The following SPTBN4 variants were observed in gnomAD, a reference collection of about 807,000 sequenced individuals.
SPTBN4 encodes spectrin beta chain, non-erythrocytic 4.
In SPTBN4, 96 loss-of-function variants were observed where a neutral mutation model predicts 277.8. That is an observed-to-expected ratio of 0.35 (90% CI 0.29 to 0.41). SPTBN4 has a LOEUF of 0.41. Ranked by LOEUF, SPTBN4 falls within the 10% of genes least tolerant of loss-of-function variation. SPTBN4 has a pLI of 1.00. For missense variants in SPTBN4, 3,006 were observed against 3,595.7 expected, an observed-to-expected ratio of 0.84 and a Z score of 4.19; for synonymous variants, 1,481 against 1,580.3, an observed-to-expected ratio of 0.94 and a Z score of 1.49.
intron 25 of SPTBN4, 54 bp from the exon 26 acceptor site, chr19:40,556,969 A>G (rs2080985689): frequency 2.6e-6 from 4 of 1,509,938 alleles, no homozygotes; most frequent in Non-Finnish European, 3.6e-6. Flanking sequence ...GGGCTGGTGT[A>G]TGCTGCCCCT....
intron 2 of SPTBN4, among the ~76,000 whole-genome samples, chr19:40,482,586 T>A (rs976038374): frequency 3.9e-5 from 6 of 152,228 alleles, no homozygotes; most frequent in Non-Finnish European, 7.3e-5. Context: ...AAAATCTAAA[T>A]TTTTTAAAGA....
In SPTBN4 at chr19:40,564,464, C is replaced by T. The variant is rs574660540; in HGVS notation, c.5916-959C>T. On this transcript the variant is annotated intron_variant, in intron 27 of 35. Transcript: ENST00000598249. ...CAAGTGCTCACATGTCTAGTGGCTA[C>T]TGCCTTGGAGAGCACAGACTTGGAA... 1.4e-4 allele frequency among the ~76,000 whole-genome samples: 22 copies of T among 152,336 alleles called. No individual in the cohort carries two copies. In the South Asian group the frequency reaches 4.3e-3, roughly 30 times the overall value.
At position 40,487,827 on chromosome 19, in the gene SPTBN4, AGTGCTGTCTGGG is replaced by A; in HGVS notation, c.302_313del (p.Val101_Gly104del). ...GCTTCGTGCTCACGCGGCTCCTGGA[AGTGCTGTCTGGG>A]GAGCAGCTGGTGAGGGGGCCTGAAG... On this transcript the variant is annotated inframe_deletion, in exon 3 of 36. Transcript: ENST00000598249. 6.2e-7 allele frequency: 1 copy of A among 1,608,308 alleles called. No individual in the cohort carries two copies.
At position 40,571,061 on chromosome 19, in the gene SPTBN4, C is replaced by T. The variant is rs367762735; in HGVS notation, c.7319+333C>T. ...TGCATCTAATGGATGATGGGTAGAG[C>T]TTAGGTGGGAACAGAAGGAAAATGT... On this transcript the variant is annotated intron_variant, in intron 33 of 35. Transcript: ENST00000598249. 433 of 289,598 alleles carry T rather than the reference C, an allele frequency of 1.5e-3. 3 individuals carry two copies. The highest frequency in any genetic ancestry group is 9.0e-3 in the African/African-American group (401 of 44,718). The allele number at this position is 289,598 out of a possible 1,614,324, so 17.9% of individuals were successfully genotyped here.
chr19:40,543,803 G>A (rs2145915234), intron 20 of SPTBN4, among the ~76,000 whole-genome samples: 1 of 152,268 alleles, frequency 6.6e-6, no homozygotes, highest in East Asian at 1.9e-4. Context: ...GTTATTTGGT[G>A]TGCATCCATC....
At chr19:40,476,362 A>AAGAG in intron 2 of SPTBN4, among the ~76,000 whole-genome samples, 1 of 144,990 alleles carries the variant, frequency 6.9e-6, no homozygotes, top group East Asian at 2.0e-4. Context: ...AAAAAAAAAA[A>AAGAG]AGAGAGAGAG....
chr19:40,488,038 G>A (rs990402171), intron 3 of SPTBN4, among the ~76,000 whole-genome samples, 190 bp downstream of exon 3: 1 of 152,126 alleles, frequency 6.6e-6, no homozygotes, highest in Admixed American at 6.6e-5. Context: ...GGCGGAGCTT[G>A]GTCGTGAGAA....
chr19:40,539,068 G>A (rs1469925455), intron 20 of SPTBN4, among the ~76,000 whole-genome samples: 1 of 151,974 alleles, frequency 6.6e-6, no homozygotes, highest in African/African-American at 2.4e-5. Flanking sequence ...AAGATCCCGG[G>A]CTGAAGCATC....
intron 22 of SPTBN4, among the ~76,000 whole-genome samples, chr19:40,553,644 G>T (rs1053271880): frequency 4.6e-5 from 7 of 152,228 alleles, no homozygotes; most frequent in South Asian, 4.1e-4. Flanking sequence ...TACTCTGCAA[G>T]TACAGAGCTG....
At chr19:40,472,824 G>A (rs772089704) in intron 2 of SPTBN4, 34 bp downstream of exon 2, 3 of 1,479,150 alleles carry the variant, frequency 2.0e-6, no homozygotes, top group African/African-American at 2.8e-5. Context: ...GGATGAGGAG[G>A]AGGGGGAAGG....
chr19:40,505,453 A>T (rs1400838834), intron 12 of SPTBN4, among the ~76,000 whole-genome samples: 1 of 150,414 alleles, frequency 6.6e-6, no homozygotes. Flanking sequence ...GCACTTTGGG[A>T]GGCTGAGGCA....
chr19:40,501,122 T>C (rs932113259), intron 7 of SPTBN4, among the ~76,000 whole-genome samples: 3 of 150,744 alleles, frequency 2.0e-5, no homozygotes, highest in African/African-American at 7.3e-5. Context: ...CCTTTAGTTC[T>C]GACTACTCAG....
At chr19:40,569,870 C>T (rs964338975) in intron 32 of SPTBN4, 144 bp downstream of exon 32, 1 of 769,248 alleles carries the variant, frequency 1.3e-6, no homozygotes, top group African/African-American at 1.8e-5. Flanking sequence ...TCTCAGGGTC[C>T]CCAGAATCTG....
Position 40,549,399 on chromosome 19 carries a change from C to T in SPTBN4, c.4570C>T (p.Leu1524=). 4.8e-6 allele frequency: 6 copies of T among 1,242,754 alleles called. No homozygotes were observed. The South Asian group carries it at 5.2e-5, about 11-fold the overall frequency. The allele number at this position is 1,242,754 out of a possible 1,614,324, so 77.0% of individuals were successfully genotyped here. A position where few individuals can be genotyped will look rare whatever the true frequency, so the allele number is the denominator to read the frequency against. ...GGAGTTGCACCAGGTGGCGCACGACCTGGACGACGAGCTGGTGAGGCCAGC... is the reference window on the plus strand; with the variant it reads ...GGAGTTGCACCAGGTGGCGCACGACTTGGACGACGAGCTGGTGAGGCCAGC... ...SKELHQVAHD[L]DDELAWVQER... Residue 1524 remains leucine, a synonymous_variant, in exon 21 of 36, where the codon CTG becomes TTG. Coordinates refer to ENST00000598249, the MANE Select transcript of SPTBN4 (RefSeq NM_020971.3).
intron 20 of SPTBN4, among the ~76,000 whole-genome samples, chr19:40,540,693 G>A (rs1452476281): frequency 1.3e-5 from 2 of 151,422 alleles, no homozygotes; most frequent in African/African-American, 2.4e-5. Flanking sequence ...ACATGCCTGT[G>A]TTCCCAGCTA....
intron 26 of SPTBN4, among the ~76,000 whole-genome samples, chr19:40,558,369 G>A (rs1331136168): frequency 2.0e-5 from 3 of 150,116 alleles, no homozygotes; most frequent in Non-Finnish European, 4.4e-5. Flanking sequence ...AAAAAAAAAA[G>A]AACTTAGATA....
chr19:40,534,019 C>T lies in SPTBN4; in HGVS notation c.4096-61C>T, dbSNP rs556727906. The T allele has an allele frequency of 5.9e-6, 9 of 1,519,374 alleles. No homozygotes were observed. The South Asian group carries it at 9.0e-5, about 15-fold the overall frequency. The allele number at this position is 1,519,374 out of a possible 1,614,324, so 94.1% of individuals were successfully genotyped here. On this transcript the variant is annotated intron_variant, in intron 19 of 35. Coordinates refer to ENST00000598249, the MANE Select transcript of SPTBN4 (RefSeq NM_020971.3). ...TGTCCTGTCACTCTCCCACACTTCT[C>T]TGATTCTCCCCACCATCTATCTATC...
At chr19:40,574,895 G>A (rs1475055771) in intron 35 of SPTBN4, among the ~76,000 whole-genome samples, 1 of 151,452 alleles carries the variant, frequency 6.6e-6, no homozygotes, top group African/African-American at 2.4e-5. Context: ...CGTGCCTGTA[G>A]TCCCAGACAC....
At chr19:40,538,901 T>C (rs2080768275) in intron 20 of SPTBN4, among the ~76,000 whole-genome samples, 1 of 152,122 alleles carries the variant, frequency 6.6e-6, no homozygotes, top group Admixed American at 6.5e-5. Flanking sequence ...AAATTCTTAA[T>C]AAATATTTGA....
Sources: allele counts gnomAD v4.1 joint callset (sites outside exome capture counted in the v4.1 genomes callset), GRCh38; gene constraint gnomAD v4.1.1; transcripts MANE v1.5; gene names NCBI Gene and HGNC (gene_info 2026-07-23, HGNC 2026-07-21).